Variants in PALS1 observed in about 807,000 individuals in gnomAD.
PALS1 encodes protein associated with LIN7 1, MAGUK p55 family member, also known as protein PALS1.
In PALS1, 31 loss-of-function variants were observed where a neutral mutation model predicts 78.9. The observed-to-expected ratio is 0.39, with a 90% CI of 0.30 to 0.53. PALS1 has a LOEUF of 0.53. PALS1 is among the 20% of genes least tolerant of loss of function. The pLI is 0.67. For synonymous variants in PALS1, 276 were observed against 270.9 expected (o/e 1.02, Z -0.18); for missense variants, 704 against 826.5 (o/e 0.85, Z 1.82).
In PALS1 at chr14:67,334,964, G is replaced by A. The variant is rs1246647572; in HGVS notation, c.*2008G>A. 6.6e-6 allele frequency: 1 copy of A among 152,200 alleles called. No homozygotes were observed. Among genetic ancestry groups the A allele is most frequent in the Non-Finnish European group, 1.5e-5 (1 of 68,036 alleles). 9.4% of individuals were successfully genotyped at this position (152,200 alleles called of 1,614,324 possible). On this transcript the variant is annotated 3_prime_UTR_variant, in exon 15 of 15. Transcript: ENST00000261681. ...GGCAGTTCATGTTAAGTTAGAGTGA[G>A]GGTGTAGGTAGTGTCAGTGAGTGGC...
At chr14:67,273,833 A>G (rs1486585989) in intron 2 of PALS1, among the ~76,000 whole-genome samples, 2 of 152,324 alleles carry the variant, frequency 1.3e-5, no homozygotes, top group South Asian at 4.1e-4. Context: ...GTGAGATGGT[A>G]TCTCATTGTG....
At chr14:67,264,149 C>T (rs753156663) in intron 1 of PALS1, among the ~76,000 whole-genome samples, 1 of 152,108 alleles carries the variant, frequency 6.6e-6, no homozygotes, top group Non-Finnish European at 1.5e-5. Context: ...CAAGAGTACC[C>T]GTTAAAATTG....
At chr14:67,297,396 A>C (rs1264112070) in intron 4 of PALS1, among the ~76,000 whole-genome samples, 1 of 152,088 alleles carries the variant, frequency 6.6e-6, no homozygotes, top group Admixed American at 6.5e-5. Flanking sequence ...TAAAAAGGCT[A>C]TCTCTGGGTG....
At chr14:67,249,813 A>G (rs2084040998) in intron 1 of PALS1, among the ~76,000 whole-genome samples, 1 of 152,212 alleles carries the variant, frequency 6.6e-6, no homozygotes, top group Non-Finnish European at 1.5e-5. Context: ...TGTAAGAAGT[A>G]GGCAATCTGT....
chr14:67,282,887 T>G (rs572422936), intron 3 of PALS1, among the ~76,000 whole-genome samples: 2 of 152,226 alleles, frequency 1.3e-5, no homozygotes, highest in Non-Finnish European at 2.9e-5. Flanking sequence ...TATTTCTATA[T>G]TATAGATTTC....
chr14:67,277,479 A>G (rs1285802845), intron 2 of PALS1, among the ~76,000 whole-genome samples: 2 of 152,112 alleles, frequency 1.3e-5, no homozygotes, highest in Non-Finnish European at 2.9e-5. Context: ...TATTAGGAAT[A>G]TTATCTGAAA....
chr14:67,320,971 A>G, intron 12 of PALS1, 86 bp from the exon 13 acceptor site: 1 of 1,094,434 alleles, frequency 9.1e-7, no homozygotes, highest in Admixed American at 1.9e-5. Flanking sequence ...GTGTTACAAA[A>G]TAGAAATTCT....
At chr14:67,253,409 A>G (rs552271342) in intron 1 of PALS1, among the ~76,000 whole-genome samples, 1 of 152,320 alleles carries the variant, frequency 6.6e-6, no homozygotes, top group South Asian at 2.1e-4. Flanking sequence ...AGAGAAAACA[A>G]TTTGTTGTCC....
intron 8 of PALS1, among the ~76,000 whole-genome samples, chr14:67,308,578 C>G (rs1257996442): frequency 7.0e-5 from 10 of 141,848 alleles, no homozygotes. Flanking sequence ...CAGAGTTTCA[C>G]TCTGTTGTCC....
chr14:67,316,380 A>G (rs2085176106), intron 9 of PALS1, among the ~76,000 whole-genome samples: 1 of 152,186 alleles, frequency 6.6e-6, no homozygotes, highest in Non-Finnish European at 1.5e-5. Context: ...CATGCAAGGG[A>G]ATATACTGAA....
At chr14:67,291,976 G>A (rs2084779367) in intron 3 of PALS1, among the ~76,000 whole-genome samples, 1 of 152,134 alleles carries the variant, frequency 6.6e-6, no homozygotes, top group African/African-American at 2.4e-5. Flanking sequence ...AAATTTATAT[G>A]TAGCACTGAT....
At chr14:67,324,535 G>A (rs13379449) in intron 14 of PALS1, among the ~76,000 whole-genome samples, 8,749 of 152,064 alleles carry the variant, frequency 0.058, 519 homozygotes, top group African/African-American at 0.15. Flanking sequence ...GTCATTAAAA[G>A]CATATTTACA....
At chr14:67,308,828 C>T (rs758031839) in intron 8 of PALS1, among the ~76,000 whole-genome samples, 3 of 152,036 alleles carry the variant, frequency 2.0e-5, no homozygotes, top group Non-Finnish European at 4.4e-5. Flanking sequence ...TCCCAAATTA[C>T]AATATAGGAC....
At position 67,301,367 on chromosome 14, in the gene PALS1, A is replaced by C. The variant is rs1286997690; in HGVS notation, c.577-22A>C. On this transcript the variant is annotated intron_variant, in intron 4 of 14. Coordinates refer to ENST00000261681, the MANE Select transcript of PALS1 (RefSeq NM_022474.4). ...ATACTTCCTATAATCTAGGAAGAAT[A>C]ATCTTTATTTTTGTTTCTTAGGTAC... The C allele has an allele frequency of 2.6e-6, 4 of 1,565,244 alleles. No homozygotes were observed. In the South Asian group the frequency reaches 3.4e-5, roughly 13 times the overall value.
chr14:67,280,857 C>CTCCTTCCTTCCTTCCT (rs2084597575), intron 3 of PALS1, among the ~76,000 whole-genome samples: 4 of 53,250 alleles, frequency 7.5e-5, no homozygotes, highest in African/African-American at 2.8e-4. Flanking sequence ...CCTTCCTTCC[C>CTCCTTCCTTCCTTCCT]TCCCTCCCTC....
At chr14:67,246,670 G>C (rs1471973511) in intron 1 of PALS1, among the ~76,000 whole-genome samples, 1 of 17,128 alleles carries the variant, frequency 5.8e-5, no homozygotes, top group South Asian at 2.6e-3. Context: ...TTTTTTTTTT[G>C]AGATGGAGTC....
intron 5 of PALS1, 140 bp from the exon 6 acceptor site, chr14:67,301,832 C>T: frequency 1.0e-6 from 1 of 989,582 alleles, no homozygotes; most frequent in Admixed American, 3.4e-5. Context: ...GTATACTTAA[C>T]ACATCTTTAT....
At chr14:67,331,338 C>T (rs1012421528) in intron 14 of PALS1, among the ~76,000 whole-genome samples, 55 of 152,266 alleles carry the variant, frequency 3.6e-4, no homozygotes, top group Admixed American at 7.2e-4. Flanking sequence ...GGAGCCCCTG[C>T]GCTGGTATTG....
intron 14 of PALS1, among the ~76,000 whole-genome samples, chr14:67,329,962 T>C (rs1176249229): frequency 6.6e-6 from 1 of 151,264 alleles, no homozygotes; most frequent in Non-Finnish European, 1.5e-5. Flanking sequence ...ACTCTGAATC[T>C]GTTCTTCTAG....
Sources: allele counts gnomAD v4.1 joint callset (sites outside exome capture counted in the v4.1 genomes callset), GRCh38; gene constraint gnomAD v4.1.1; transcripts MANE v1.5; gene names NCBI Gene and HGNC (gene_info 2026-07-23, HGNC 2026-07-21).